Variants in SPRYD7 observed in about 807,000 individuals in gnomAD.
SPRYD7 encodes the protein SPRY domain-containing protein 7.
In SPRYD7, 14 loss-of-function variants were observed where a neutral mutation model predicts 23.8. The ratio of observed to expected loss-of-function variants is 0.59; its 90% CI spans 0.39 to 0.92. SPRYD7 has a LOEUF of 0.92. SPRYD7 is among the 40% of genes least tolerant of loss of function. SPRYD7 has a pLI of 0.00. For synonymous variants in SPRYD7, 75 were observed against 84.9 expected (o/e 0.88, Z 0.64); for missense variants, 194 against 241.7 (o/e 0.80, Z 1.31).
chr13:49,924,993 T>A (rs1216669120), intron 3 of SPRYD7, among the ~76,000 whole-genome samples: 12 of 118,604 alleles, frequency 1.0e-4, no homozygotes, highest in African/African-American at 3.0e-4. Context: ...AAAAAATAAA[T>A]AAATAATAAT....
chr13:49,930,324 G>A (rs947712834), intron 2 of SPRYD7, among the ~76,000 whole-genome samples: 3 of 150,948 alleles, frequency 2.0e-5, no homozygotes, highest in African/African-American at 7.3e-5. Flanking sequence ...GCTCATGCCT[G>A]TAATCCCAAC....
chr13:49,916,392 C>G (rs1955751511), intron 4 of SPRYD7, among the ~76,000 whole-genome samples: 1 of 151,916 alleles, frequency 6.6e-6, no homozygotes, highest in Non-Finnish European at 1.5e-5. Flanking sequence ...CTGGATTTGA[C>G]ATTCATGAAG....
In SPRYD7 at chr13:49,914,887, CAT is replaced by C. The variant is rs757295532; in HGVS notation, c.*174_*175del. 2 of 350,638 alleles carry C rather than the reference CAT, an allele frequency of 5.7e-6. No homozygotes were observed. Among genetic ancestry groups the C allele is most frequent in the Non-Finnish European group, 1.1e-5 (2 of 187,600 alleles). The allele number at this position is 350,638 out of a possible 1,614,324, so 21.7% of individuals were successfully genotyped here. ...AAATGCTTATTTTCATTTCACAAAA[CAT>C]AAAGTATTTTAAATCACAACTTCAG... is the stretch of plus-strand genomic sequence containing the variant. On this transcript the variant is annotated 3_prime_UTR_variant, in exon 5 of 5. Transcript: ENST00000361840.
At chr13:49,921,074 C>A (rs577712972) in intron 4 of SPRYD7, among the ~76,000 whole-genome samples, 91 of 152,272 alleles carry the variant, frequency 6.0e-4, no homozygotes, top group Non-Finnish European at 1.1e-3. Flanking sequence ...TGTGTCCCCA[C>A]CCAAATCTCG....
intron 3 of SPRYD7, among the ~76,000 whole-genome samples, chr13:49,924,911 G>T (rs1955861936): frequency 6.6e-6 from 1 of 150,892 alleles, no homozygotes; most frequent in Non-Finnish European, 1.5e-5. Context: ...GGGAGGTGAA[G>T]GTTGCAGTAA....
At position 49,914,245 on chromosome 13, in the gene SPRYD7, G is replaced by T. The variant is rs1955727575; in HGVS notation, c.*818C>A. ...AATTTAGTGTATAACTAACAAAATA[G>T]GAAGAATGTGTTTAATATAGTATGG... On this transcript the variant is annotated 3_prime_UTR_variant, in exon 5 of 5. Coordinates refer to ENST00000361840, the MANE Select transcript of SPRYD7 (RefSeq NM_020456.4). 1 of 153,686 alleles carries T rather than the reference G, an allele frequency of 6.5e-6. No homozygotes were observed. Among genetic ancestry groups the T allele is most frequent in the Admixed American group, 6.5e-5 (1 of 15,270 alleles). 9.5% of individuals were successfully genotyped at this position (153,686 alleles called of 1,614,324 possible).
intron 2 of SPRYD7, 45 bp from the exon 3 acceptor site, chr13:49,928,130 A>G: frequency 3.9e-6 from 6 of 1,540,056 alleles, no homozygotes; most frequent in Non-Finnish European, 4.4e-6. Context: ...TGAAGACTAC[A>G]ACCATCGAGT....
rs377543285 is a variant in SPRYD7, at chr13:49,915,029, A to C, written c.*34T>G. 11 of 1,182,008 alleles carry C rather than the reference A, an allele frequency of 9.3e-6. No individual in the cohort carries two copies. In the African/African-American group the frequency reaches 1.2e-4, roughly 13 times the overall value. The allele number at this position is 1,182,008 out of a possible 1,614,324, so 73.2% of individuals were successfully genotyped here. On this transcript the variant is annotated 3_prime_UTR_variant, in exon 5 of 5. Coordinates refer to ENST00000361840, the MANE Select transcript of SPRYD7 (RefSeq NM_020456.4). ...TATTAAATGATGAACATTTTTTAACAGTGCAGAAATACAAGTTTTAAAAAC... is the reference window on the plus strand; with the variant it reads ...TATTAAATGATGAACATTTTTTAACCGTGCAGAAATACAAGTTTTAAAAAC...
chr13:49,916,096 A>G (rs1351224552), intron 4 of SPRYD7, among the ~76,000 whole-genome samples: 1 of 152,130 alleles, frequency 6.6e-6, no homozygotes, highest in African/African-American at 2.4e-5. Context: ...TGGGGTGGTG[A>G]ATATGTTCAT....
Position 49,927,928 on chromosome 13 carries a change from T to A in SPRYD7, c.381A>T (p.Gly127=), listed in dbSNP as rs148401871. Residue 127 remains glycine, a synonymous_variant, in exon 3 of 5, where the codon GGA becomes GGT. Transcript: ENST00000361840. ...CCATGAGGGAACTCACCACCACATC[T>A]CCTTCCTGCGGAAGACTGTTTGCTG... is the stretch of plus-strand genomic sequence containing the variant. ...RLPANSLPQE[G]DVVGITYDHV... is the part of the protein sequence containing the mutation. 1.2e-6 allele frequency: 2 copies of A among 1,614,160 alleles called. No homozygotes were observed. The highest frequency in any genetic ancestry group is 4.5e-5 in the East Asian group (2 of 44,888).
At chr13:49,921,143 T>A (rs544388953) in intron 4 of SPRYD7, among the ~76,000 whole-genome samples, 8 of 152,224 alleles carry the variant, frequency 5.3e-5, no homozygotes, top group African/African-American at 1.7e-4. Context: ...TGGGAGGTAA[T>A]TGAATCATGG....
intron 1 of SPRYD7, among the ~76,000 whole-genome samples, chr13:49,935,026 A>G (rs1042326415): frequency 1.3e-5 from 2 of 152,240 alleles, no homozygotes; most frequent in African/African-American, 4.8e-5. Context: ...TTACTTATGT[A>G]TTAAGGTTCT....
intron 3 of SPRYD7, among the ~76,000 whole-genome samples, chr13:49,922,150 GTAAT>G (rs1447195907): frequency 1.3e-5 from 2 of 151,612 alleles, no homozygotes; most frequent in African/African-American, 2.4e-5. Context: ...AATAAAATTG[GTAAT>G]TAGTTTCAAG....
At chr13:49,917,717 T>C (rs1341623889) in intron 4 of SPRYD7, among the ~76,000 whole-genome samples, 1 of 152,228 alleles carries the variant, frequency 6.6e-6, no homozygotes, top group Admixed American at 6.5e-5. Flanking sequence ...TACAGTTAAC[T>C]TGTATAACTG....
At chr13:49,935,738 ACAGT>A (rs1871593358) in intron 1 of SPRYD7, 2 of 158,344 alleles carry the variant, frequency 1.3e-5, no homozygotes, top group Non-Finnish European at 2.8e-5. Flanking sequence ...GACAGGACCG[ACAGT>A]CAGGGCAGGA....
At chr13:49,915,270 A>G in intron 4 of SPRYD7, 110 bp from the exon 5 acceptor site, 1 of 440,848 alleles carries the variant, frequency 2.3e-6, no homozygotes, top group Non-Finnish European at 4.1e-6. Context: ...CAATATTAAT[A>G]GGTAAGAAGA....
chr13:49,917,400 G>T (rs1224844335), intron 4 of SPRYD7, among the ~76,000 whole-genome samples: 5 of 152,206 alleles, frequency 3.3e-5, no homozygotes, highest in African/African-American at 1.2e-4. Context: ...ACTGCGCCCA[G>T]CCAGGAAGTC....
At chr13:49,922,237 G>GA (rs952625501) in intron 3 of SPRYD7, among the ~76,000 whole-genome samples, 1 of 150,026 alleles carries the variant, frequency 6.7e-6, no homozygotes, top group African/African-American at 2.4e-5. Flanking sequence ...ACTATTGATG[G>GA]AAAAAAATCA....
intron 4 of SPRYD7, among the ~76,000 whole-genome samples, chr13:49,916,035 G>C (rs1955747653): frequency 6.6e-6 from 1 of 152,166 alleles, no homozygotes; most frequent in South Asian, 2.1e-4. Flanking sequence ...TGTTTGGTTG[G>C]GGCTGGGGTA....
Sources: gnomAD v4.1 joint callset for allele counts (sites outside exome capture counted in the v4.1 genomes callset) on GRCh38, gnomAD v4.1.1 for gene constraint, MANE v1.5 for transcripts, NCBI Gene and HGNC (gene_info 2026-07-23, HGNC 2026-07-21) for gene names.